Variants in MDN1 observed in about 807,000 individuals in gnomAD.
The protein encoded by MDN1 is midasin AAA ATPase 1.
Under a neutral mutation model 669.2 loss-of-function variants are expected in MDN1, and 266 were observed. The ratio of observed to expected loss-of-function variants is 0.40; its 90% CI spans 0.36 to 0.44. The LOEUF is 0.44. MDN1 is among the 20% of genes least tolerant of loss of function. The pLI is 1.00. For missense variants in MDN1, 5,940 were observed against 6,754.0 expected, an observed-to-expected ratio of 0.88 and a Z score of 4.22; for synonymous variants, 2,385 against 2,457.1, an observed-to-expected ratio of 0.97 and a Z score of 0.87.
intron 74 of MDN1, among the ~76,000 whole-genome samples, chr6:89,679,838 G>A (rs1811474268): frequency 6.6e-6 from 1 of 152,248 alleles, no homozygotes; most frequent in Non-Finnish European, 1.5e-5. Context: ...GTTAGAGGAT[G>A]AGGGAGGCTT....
At chr6:89,763,574 TC>T (rs1817661246) in intron 15 of MDN1, among the ~76,000 whole-genome samples, 1 of 152,222 alleles carries the variant, frequency 6.6e-6, no homozygotes, top group South Asian at 2.1e-4. Flanking sequence ...CACTAGTTAT[TC>T]CTAGAAAATC....
intron 1 of MDN1, 127 bp downstream of exon 1, chr6:89,819,361 CGCCAGCCCACAGGAGGGG>C: frequency 1.3e-6 from 1 of 754,908 alleles, no homozygotes; most frequent in South Asian, 1.6e-5. Context: ...CCACGACCTG[CGCCAGCCCACAGGAGGGG>C]GCCAGCTTGA....
intron 1 of MDN1, among the ~76,000 whole-genome samples, chr6:89,813,760 T>C (rs2128332344): frequency 6.6e-6 from 1 of 151,862 alleles, no homozygotes; most frequent in Admixed American, 6.6e-5. Context: ...ATCACTCTCA[T>C]CATTTGCTTA....
At chr6:89,719,832 A>T (rs1019067911) in intron 40 of MDN1, among the ~76,000 whole-genome samples, 4 of 152,238 alleles carry the variant, frequency 2.6e-5, no homozygotes, top group African/African-American at 9.6e-5. Context: ...TTATGTAGAT[A>T]TGAAAACCAA....
intron 82 of MDN1, among the ~76,000 whole-genome samples, chr6:89,671,502 T>C (rs62417297): frequency 0.025 from 3,792 of 151,934 alleles, 69 homozygotes; most frequent in Non-Finnish European, 0.036. Context: ...AAAAAACATA[T>C]AGCCAGAACC....
chr6:89,699,889 A>G (rs941493400), intron 57 of MDN1, among the ~76,000 whole-genome samples, 162 bp from the exon 58 acceptor site: 7 of 151,736 alleles, frequency 4.6e-5, no homozygotes, highest in Admixed American at 6.6e-5. Flanking sequence ...AGTAGAGTCA[A>G]AACTAGTAAA....
intron 58 of MDN1, among the ~76,000 whole-genome samples, chr6:89,699,301 AG>A (rs1397011041): frequency 6.6e-6 from 1 of 152,232 alleles, no homozygotes; most frequent in African/African-American, 2.4e-5. Flanking sequence ...AGTACAAAAA[AG>A]TATAAAAAAC....
intron 5 of MDN1, among the ~76,000 whole-genome samples, chr6:89,791,902 CAG>C (rs1819288910): frequency 8.9e-6 from 1 of 112,546 alleles, no homozygotes; most frequent in Non-Finnish European, 1.7e-5. Context: ...TTTTTTGAGA[CAG>C]AGTCTCACTC....
At chr6:89,702,108 G>C (rs1224389950) in intron 53 of MDN1, 47 bp from the exon 54 acceptor site, 1 of 1,530,994 alleles carries the variant, frequency 6.5e-7, no homozygotes, top group Non-Finnish European at 8.8e-7. Flanking sequence ...AAAGACTAAA[G>C]CAAGAAGAAA....
chr6:89,736,589 C>T (rs1815987883), intron 33 of MDN1, among the ~76,000 whole-genome samples: 1 of 151,350 alleles, frequency 6.6e-6, no homozygotes, highest in African/African-American at 2.4e-5. Context: ...CCAGGAGTTC[C>T]AGACTAGCCT....
At chr6:89,739,503 C>A (rs1042457149) in intron 32 of MDN1, among the ~76,000 whole-genome samples, 2 of 152,204 alleles carry the variant, frequency 1.3e-5, no homozygotes, top group African/African-American at 4.8e-5. Context: ...AAATTACCAA[C>A]ACTCTTAATT....
chr6:89,716,589 T>A, intron 44 of MDN1, 61 bp downstream of exon 44: 1 of 1,537,086 alleles, frequency 6.5e-7, no homozygotes, highest in Non-Finnish European at 8.7e-7. Context: ...TCTGGGTTTC[T>A]ACTTTGACAA....
chr6:89,750,298 G>A lies in MDN1; in HGVS notation c.3406+56C>T. The A allele has an allele frequency of 4.0e-6, 6 of 1,490,116 alleles. No individual in the cohort carries two copies. The East Asian group carries it at 9.2e-5, about 23-fold the overall frequency. 92.3% of individuals were successfully genotyped at this position (1,490,116 alleles called of 1,614,324 possible). On this transcript the variant is annotated intron_variant, in intron 24 of 101. Coordinates refer to ENST00000369393, the MANE Select transcript of MDN1 (RefSeq NM_014611.3). ...GAAAGGATGAAGAATATTACTTAAGGAAATGTGTGTGAAAGAATAAACACC... is the reference window on the plus strand; with the variant it reads ...GAAAGGATGAAGAATATTACTTAAGAAAATGTGTGTGAAAGAATAAACACC...
chr6:89,750,349 C>T lies in MDN1; in HGVS notation c.3406+5G>A, dbSNP rs1024760404. The T allele has an allele frequency of 6.2e-7, 1 of 1,601,162 alleles. No homozygotes were observed. The highest frequency in any genetic ancestry group is 1.3e-5 in the African/African-American group (1 of 74,642). On this transcript the variant is annotated splice_donor_5th_base_variant and intron_variant, in intron 24 of 101. Coordinates refer to ENST00000369393, the MANE Select transcript of MDN1 (RefSeq NM_014611.3). ...TATGTCCATGGAATGGAATCTTAAC[C>T]CTACCTTCCTTAAAGACAAGCTTCC...
rs763350275 is a variant in MDN1 at position 89,781,382 on chromosome 6, A to G, written c.1643+17T>C. ...AAAAAAGAAAGAAAGAAAAGAAAAA[A>G]CTGTTTAGTCCAGTACCTTAGAGAT... On this transcript the variant is annotated intron_variant, in intron 10 of 101. Coordinates refer to ENST00000369393, the MANE Select transcript of MDN1 (RefSeq NM_014611.3). 6.2e-7 allele frequency: 1 copy of G among 1,608,696 alleles called. No individual in the cohort carries two copies.
At chr6:89,650,959 T>C in intron 95 of MDN1, 112 bp from the exon 96 acceptor site, 2 of 715,576 alleles carry the variant, frequency 2.8e-6, no homozygotes, top group South Asian at 1.7e-5. Context: ...ATGAACTTTC[T>C]CAACAGAAGC....
intron 90 of MDN1, 62 bp from the exon 91 acceptor site, chr6:89,656,863 GTGC>G: frequency 7.3e-7 from 1 of 1,364,360 alleles, no homozygotes; most frequent in Admixed American, 1.8e-5. Context: ...CCTGGTTACT[GTGC>G]TGCATTGAAT....
At chr6:89,787,442 A>G (rs1819022478) in intron 8 of MDN1, among the ~76,000 whole-genome samples, 1 of 152,192 alleles carries the variant, frequency 6.6e-6, no homozygotes, top group African/African-American at 2.4e-5. Flanking sequence ...ATTTATTGTG[A>G]CAGGTCTTTA....
rs138512234 is a variant in MDN1, at chr6:89,700,109, G to A, written c.8824C>T (p.Arg2942Trp). ...PAMEYLAMLW[R>W]YKVTADFMAQ... ...ATAAAATCAGCTGTCACTTTGTACC[G>A]CCAAAGCATAGCCAGGTACTCCATT... Residue 2942 changes from arginine to tryptophan, a missense_variant, in exon 57 of 102, where the codon CGG (arginine) becomes TGG (tryptophan). Around this residue, in one of 5 missense-constraint regions of MDN1, gnomAD observed 2,292 missense variants for 2,638.3 expected, o/e 0.87. Coordinates refer to ENST00000369393, the MANE Select transcript of MDN1 (RefSeq NM_014611.3). 2.4e-5 allele frequency: 38 copies of A among 1,613,986 alleles called. No homozygotes were observed. Among genetic ancestry groups the A allele is most frequent in the African/African-American group, 8.0e-5 (6 of 74,890 alleles).
Sources: allele counts gnomAD v4.1 joint callset (sites outside exome capture counted in the v4.1 genomes callset), GRCh38; gene constraint gnomAD v4.1.1; regional missense constraint gnomAD v4.1.1; transcripts MANE v1.5; gene names NCBI Gene and HGNC (gene_info 2026-07-23, HGNC 2026-07-21).